SLC4A4: variants seen among roughly 807,000 people sequenced by gnomAD.
SLC4A4 encodes electrogenic sodium bicarbonate cotransporter 1.
In SLC4A4, 27 loss-of-function variants were observed where a neutral mutation model predicts 111.5. The ratio of observed to expected loss-of-function variants is 0.24; its 90% CI spans 0.18 to 0.33. SLC4A4 has a LOEUF of 0.33. SLC4A4 is among the 10% of genes least tolerant of loss of function. SLC4A4 has a pLI of 1.00. For synonymous variants in SLC4A4, 443 were observed against 463.4 expected (o/e 0.96, Z 0.57); for missense variants, 909 against 1,315.5 (o/e 0.69, Z 4.78).
At chr4:71,517,739 C>G (rs1008976842) in intron 16 of SLC4A4, among the ~76,000 whole-genome samples, 2 of 152,168 alleles carry the variant, frequency 1.3e-5, no homozygotes, top group Non-Finnish European at 2.9e-5. Flanking sequence ...TAATTTCAGT[C>G]CTTGCAGAAT....
intron 2 of SLC4A4, among the ~76,000 whole-genome samples, chr4:71,111,238 G>A (rs191315439): frequency 5.3e-5 from 8 of 152,228 alleles, no homozygotes; most frequent in Non-Finnish European, 1.0e-4. Flanking sequence ...CTGAATAAAC[G>A]TAGACAACTT....
At chr4:71,269,671 C>T (rs977882156) in intron 3 of SLC4A4, among the ~76,000 whole-genome samples, 2 of 152,186 alleles carry the variant, frequency 1.3e-5, no homozygotes, top group African/African-American at 4.8e-5. Context: ...TTAATAAAGG[C>T]TGTCATGTCC....
chr4:71,284,757 C>T (rs946636344), intron 3 of SLC4A4, among the ~76,000 whole-genome samples: 2 of 152,308 alleles, frequency 1.3e-5, no homozygotes, highest in East Asian at 3.9e-4. Flanking sequence ...GTCTTGTAAT[C>T]ATTTTGCTCC....
At chr4:71,415,776 A>T (rs991912960) in intron 7 of SLC4A4, among the ~76,000 whole-genome samples, 4 of 152,024 alleles carry the variant, frequency 2.6e-5, no homozygotes, top group Non-Finnish European at 4.4e-5. Flanking sequence ...TCTGCCTTTT[A>T]ATTTTTCTCA....
At chr4:71,094,144 G>A (rs1320409605) in intron 2 of SLC4A4, among the ~76,000 whole-genome samples, 4 of 152,180 alleles carry the variant, frequency 2.6e-5, no homozygotes, top group Admixed American at 6.6e-5. Flanking sequence ...GAAAATATGA[G>A]GATATGGCAT....
At chr4:71,155,216 A>T (rs1744426589) in intron 2 of SLC4A4, among the ~76,000 whole-genome samples, 1 of 152,188 alleles carries the variant, frequency 6.6e-6, no homozygotes, top group African/African-American at 2.4e-5. Context: ...ATAATTCTGT[A>T]TGTTAAACAA....
intron 1 of SLC4A4, among the ~76,000 whole-genome samples, chr4:71,189,773 C>T (rs1225938309): frequency 6.6e-6 from 1 of 152,036 alleles, no homozygotes; most frequent in Non-Finnish European, 1.5e-5. Context: ...TTAAGTGTGG[C>T]GAGATACATA....
At chr4:71,099,836 C>A (rs1326957949) in intron 2 of SLC4A4, among the ~76,000 whole-genome samples, 1 of 152,104 alleles carries the variant, frequency 6.6e-6, no homozygotes, top group African/African-American at 2.4e-5. Context: ...TCTATGCACA[C>A]AAACTAGAAA....
At chr4:71,294,567 G>C (rs1375109029) in intron 3 of SLC4A4, among the ~76,000 whole-genome samples, 1 of 152,206 alleles carries the variant, frequency 6.6e-6, no homozygotes, top group African/African-American at 2.4e-5. Flanking sequence ...CCTGTTAGGA[G>C]AGCATTCCCG....
intron 16 of SLC4A4, among the ~76,000 whole-genome samples, chr4:71,516,355 C>T (rs1247461829): frequency 6.6e-6 from 1 of 152,006 alleles, no homozygotes; most frequent in African/African-American, 2.4e-5. Flanking sequence ...CCTTGGCCTC[C>T]CAAAGTGCTG....
intron 20 of SLC4A4, among the ~76,000 whole-genome samples, chr4:71,552,600 A>G (rs1245319354): frequency 6.6e-6 from 1 of 151,884 alleles, no homozygotes; most frequent in Non-Finnish European, 1.5e-5. Flanking sequence ...ACATGGTCTG[A>G]GTATGTTAAC....
At chr4:71,481,297 C>G (rs1728860835) in intron 14 of SLC4A4, among the ~76,000 whole-genome samples, 1 of 151,702 alleles carries the variant, frequency 6.6e-6, no homozygotes, top group African/African-American at 2.4e-5. Context: ...TTGTTGCTTA[C>G]ACTTGACCTC....
chr4:71,200,762 A>G (rs1746213130), intron 1 of SLC4A4, among the ~76,000 whole-genome samples: 1 of 151,948 alleles, frequency 6.6e-6, no homozygotes, highest in African/African-American at 2.4e-5. Flanking sequence ...CCTATCTAAC[A>G]AACCTGCAGG....
At chr4:71,369,237 C>T (rs192318811) in intron 6 of SLC4A4, among the ~76,000 whole-genome samples, 4 of 152,280 alleles carry the variant, frequency 2.6e-5, no homozygotes, top group African/African-American at 9.6e-5. Context: ...AGGGAAACCT[C>T]AAGAATGCCT....
At chr4:71,346,888 G>T (rs1729377082) in intron 4 of SLC4A4, among the ~76,000 whole-genome samples, 1 of 152,050 alleles carries the variant, frequency 6.6e-6, no homozygotes, top group Non-Finnish European at 1.5e-5. Context: ...TTCTCCTTAT[G>T]CTGTAAGCTG....
chr4:71,446,632 A>G (rs1217036398), intron 8 of SLC4A4, among the ~76,000 whole-genome samples: 1 of 152,184 alleles, frequency 6.6e-6, no homozygotes, highest in Non-Finnish European at 1.5e-5. Context: ...TACTTTCTTT[A>G]CTGCAGAGGG....
At chr4:71,466,942 A>AGAGAGAGAGAGG (rs1350163802) in intron 13 of SLC4A4, among the ~76,000 whole-genome samples, 2 of 124,626 alleles carry the variant, frequency 1.6e-5, no homozygotes, top group East Asian at 8.5e-4. Flanking sequence ...AGAGAGAGAG[A>AGAGAGAGAGAGG]GAGAGAGAGA....
At chr4:71,211,720 C>T (rs1234079523) in intron 1 of SLC4A4, among the ~76,000 whole-genome samples, 1 of 151,574 alleles carries the variant, frequency 6.6e-6, no homozygotes, top group Non-Finnish European at 1.5e-5. Context: ...AGTCATGTCC[C>T]CCATAAGTTG....
chr4:71,333,641 AC>A (rs1728195319), intron 3 of SLC4A4, among the ~76,000 whole-genome samples: 1 of 152,194 alleles, frequency 6.6e-6, no homozygotes, highest in Non-Finnish European at 1.5e-5. Context: ...GAGGGCAGGT[AC>A]AGAAATGCCA....
Sources: gnomAD v4.1 joint callset for allele counts (sites outside exome capture counted in the v4.1 genomes callset) on GRCh38, gnomAD v4.1.1 for gene constraint, MANE v1.5 for transcripts, NCBI Gene and HGNC (gene_info 2026-07-23, HGNC 2026-07-21) for gene names.